The following ARL8B variants were observed in gnomAD, a reference collection of about 807,000 sequenced individuals.
The protein encoded by ARL8B is ADP-ribosylation factor-like protein 8B.
A neutral mutation model predicts 30.6 loss-of-function variants in ARL8B; 9 were observed. The ratio of observed to expected loss-of-function variants is 0.29; its 90% confidence interval spans 0.18 to 0.51. The LOEUF is 0.51. ARL8B is among the 20% of genes least tolerant of loss of function. ARL8B has a pLI of 0.97. For synonymous variants in ARL8B, 74 were observed against 76.0 expected, an observed-to-expected ratio of 0.97 and a Z score of 0.14; for missense variants, 130 against 227.2, an observed-to-expected ratio of 0.57 and a Z score of 2.75.
At chr3:5,127,007 C>A (rs2106551504) in intron 1 of ARL8B, among the ~76,000 whole-genome samples, 1 of 152,250 alleles carries the variant, frequency 6.6e-6, no homozygotes. Flanking sequence ...CACTTTTGCA[C>A]ATTGTTGATA....
intron 1 of ARL8B, among the ~76,000 whole-genome samples, chr3:5,130,215 C>T (rs77931032): frequency 0.13 from 19,783 of 149,750 alleles, 1,467 homozygotes; most frequent in East Asian, 0.27. Flanking sequence ...GTAGAGACTT[C>T]ATCTCACTGT....
At chr3:5,142,409 T>C (rs145088164) in intron 1 of ARL8B, among the ~76,000 whole-genome samples, 1 of 152,258 alleles carries the variant, frequency 6.6e-6, no homozygotes, top group East Asian at 1.9e-4. Context: ...ACAGACTCTT[T>C]ACAAGTCTTG....
intron 1 of ARL8B, among the ~76,000 whole-genome samples, chr3:5,158,918 A>T (rs1208381570): frequency 6.6e-6 from 1 of 152,060 alleles, no homozygotes. Context: ...ACAAATTTGT[A>T]GTATATGCTG....
intron 6 of ARL8B, among the ~76,000 whole-genome samples, chr3:5,175,814 T>C (rs567624562): frequency 6.6e-6 from 1 of 152,196 alleles, no homozygotes; most frequent in Non-Finnish European, 1.5e-5. Context: ...CTCACATTCA[T>C]GCTTCTCCCC....
intron 1 of ARL8B, among the ~76,000 whole-genome samples, chr3:5,148,332 A>G (rs1440799935): frequency 6.6e-6 from 1 of 152,154 alleles, no homozygotes; most frequent in Non-Finnish European, 1.5e-5. Context: ...GAACATTGCT[A>G]GATGCCTGCT....
intron 1 of ARL8B, among the ~76,000 whole-genome samples, chr3:5,160,185 A>G (rs11712030): frequency 0.14 from 21,904 of 152,202 alleles, 1,817 homozygotes; most frequent in Non-Finnish European, 0.19. Context: ...AAAAAGTGTT[A>G]TTTGCTTGAG....
chr3:5,153,266 A>G (rs1439360867), intron 1 of ARL8B, among the ~76,000 whole-genome samples: 1 of 152,192 alleles, frequency 6.6e-6, no homozygotes, highest in Non-Finnish European at 1.5e-5. Context: ...AAGTCCCACA[A>G]TTCCCATGTG....
At position 5,122,727 on chromosome 3, in the gene ARL8B, C is replaced by G. The variant is rs892029946; in HGVS notation, c.123+139C>G. 94 of 990,388 alleles carry G rather than the reference C, an allele frequency of 9.5e-5. No individual in the cohort carries two copies. In the African/African-American group the frequency reaches 1.4e-3, roughly 15 times the overall value. 61.4% of individuals were successfully genotyped at this position (990,388 alleles called of 1,614,324 possible). On this transcript the variant is annotated intron_variant, in intron 1 of 6. Coordinates refer to ENST00000256496, the MANE Select transcript of ARL8B (RefSeq NM_018184.3). Reference sequence around the variant, plus strand: ...GCGTGCGAAGCTGGGCCTGTCATCTCCCGAGGGCCAGCATTTGGAATTTCC... The same window carrying G: ...GCGTGCGAAGCTGGGCCTGTCATCTGCCGAGGGCCAGCATTTGGAATTTCC...
intron 1 of ARL8B, among the ~76,000 whole-genome samples, chr3:5,148,477 C>A (rs1378037778): frequency 6.6e-6 from 1 of 152,166 alleles, no homozygotes; most frequent in Non-Finnish European, 1.5e-5. Context: ...CTCTAACCCT[C>A]CTGCTGCCCC....
At chr3:5,171,595 G>A (rs2054676808) in intron 2 of ARL8B, among the ~76,000 whole-genome samples, 1 of 152,028 alleles carries the variant, frequency 6.6e-6, no homozygotes, top group African/African-American at 2.4e-5. Context: ...TGATCCACCC[G>A]CCTCGGCCTC....
At chr3:5,155,892 G>T (rs1178312708) in intron 1 of ARL8B, among the ~76,000 whole-genome samples, 2 of 146,092 alleles carry the variant, frequency 1.4e-5, no homozygotes, top group Non-Finnish European at 1.5e-5. Context: ...GATAATTTTT[G>T]TGTGTGTGTG....
At chr3:5,167,016 C>G (rs1285714979) in intron 1 of ARL8B, among the ~76,000 whole-genome samples, 1 of 152,078 alleles carries the variant, frequency 6.6e-6, no homozygotes, top group East Asian at 1.9e-4. Flanking sequence ...TTTCCTTTTT[C>G]TAGATAAGGA....
intron 1 of ARL8B, among the ~76,000 whole-genome samples, chr3:5,142,896 T>C (rs559676501): frequency 7.2e-5 from 11 of 152,244 alleles, no homozygotes; most frequent in Non-Finnish European, 1.3e-4. Context: ...TTCTAAATTT[T>C]GGCAGTTATT....
intron 1 of ARL8B, among the ~76,000 whole-genome samples, chr3:5,155,236 CA>C (rs1342573239): frequency 6.6e-6 from 1 of 152,140 alleles, no homozygotes; most frequent in African/African-American, 2.4e-5. Flanking sequence ...TATATTAGCC[CA>C]TTGCCTTCTG....
intron 1 of ARL8B, among the ~76,000 whole-genome samples, chr3:5,138,525 C>A (rs183512578): frequency 1.3e-5 from 2 of 152,080 alleles, no homozygotes; most frequent in African/African-American, 4.8e-5. Context: ...TAATGCTGAG[C>A]TATTATCATT....
intron 1 of ARL8B, among the ~76,000 whole-genome samples, chr3:5,165,591 C>T (rs2054616858): frequency 1.3e-5 from 2 of 151,946 alleles, no homozygotes; most frequent in African/African-American, 4.8e-5. Context: ...TAGTATGAGG[C>T]TTTGTCATGC....
chr3:5,137,335 C>T (rs1575561240), intron 1 of ARL8B, among the ~76,000 whole-genome samples: 1 of 151,998 alleles, frequency 6.6e-6, no homozygotes, highest in African/African-American at 2.4e-5. Flanking sequence ...CCTCACCTTT[C>T]ACGTGAGCAC....
intron 1 of ARL8B, among the ~76,000 whole-genome samples, chr3:5,146,899 C>T (rs530331950): frequency 2.6e-5 from 4 of 152,116 alleles, no homozygotes; most frequent in Non-Finnish European, 4.4e-5. Context: ...AAAAATGTCC[C>T]TTCTTTTTCC....
At chr3:5,159,476 C>G (rs1038723420) in intron 1 of ARL8B, among the ~76,000 whole-genome samples, 2 of 151,212 alleles carry the variant, frequency 1.3e-5, no homozygotes, top group Non-Finnish European at 2.9e-5. Flanking sequence ...GTGGTGCATG[C>G]CTGTAATTCC....
Sources: gnomAD v4.1 joint callset for allele counts (sites outside exome capture counted in the v4.1 genomes callset) on GRCh38, gnomAD v4.1.1 for gene constraint, MANE v1.5 for transcripts, NCBI Gene and HGNC (gene_info 2026-07-23, HGNC 2026-07-21) for gene names.